TMEM178B: variants seen among roughly 807,000 people sequenced by gnomAD.
TMEM178B encodes the protein transmembrane protein 178B.
In TMEM178B, 5 loss-of-function variants were observed where a neutral mutation model predicts 31.0. The observed-to-expected ratio is 0.16, with a 90% CI of 0.08 to 0.34. TMEM178B has a LOEUF of 0.34. TMEM178B is among the 10% of genes least tolerant of loss of function. TMEM178B has a pLI of 1.00. For missense variants in TMEM178B, 275 were observed against 400.3 expected (o/e 0.69, Z 2.67); for synonymous variants, 164 against 164.0 (o/e 1.00, Z 0.00).
intron 2 of TMEM178B, among the ~76,000 whole-genome samples, chr7:141,221,860 G>A (rs555494801): frequency 1.6e-4 from 25 of 152,354 alleles, no homozygotes; most frequent in African/African-American, 6.0e-4. Flanking sequence ...CCCAGATGGG[G>A]TCGATTGCCT....
chr7:141,166,973 A>G (rs557936025), intron 1 of TMEM178B, among the ~76,000 whole-genome samples: 1 of 152,314 alleles, frequency 6.6e-6, no homozygotes, highest in South Asian at 2.1e-4. Flanking sequence ...GTCTCATGTT[A>G]ACTCTGCCAG....
chr7:141,484,556 T>C (rs903895521), downstream of TMEM178B, among the ~76,000 whole-genome samples: 2 of 148,818 alleles, frequency 1.3e-5, no homozygotes, highest in African/African-American at 5.2e-5. This position sits in a 1 kb window ranked among gnomAD's most constrained non-coding sequence, Gnocchi z 4.8. Context: ...GTTTTTGTTT[T>C]TGTTTGTTTG....
In TMEM178B at chr7:141,347,902, A is replaced by G. The variant is rs538810636; in HGVS notation, c.497-89706A>G. Among the ~76,000 whole-genome samples the G allele has an allele frequency of 6.6e-5, 10 of 152,334 alleles. 1 individual carries two copies. In the South Asian group the frequency reaches 2.1e-3, roughly 32 times the overall value. ...CAAACAACTGGGACAATCTTGCCTT[A>G]TCACAGTAGTTACCTAGGAGAGATG... On this transcript the variant is annotated intron_variant, in intron 2 of 3. Transcript: ENST00000565468.
intron 1 of TMEM178B, among the ~76,000 whole-genome samples, chr7:141,111,828 A>G (rs1795238690): frequency 6.6e-6 from 1 of 152,208 alleles, no homozygotes; most frequent in Non-Finnish European, 1.5e-5. Context: ...TGCCGTTGTG[A>G]ATTGTGTTTA....
chr7:141,502,077 T>C, the TMEM178B span, among the ~76,000 whole-genome samples: 1 of 152,114 alleles, frequency 6.6e-6, no homozygotes, highest in Non-Finnish European at 1.5e-5. Flanking sequence ...ACCCTTCCCA[T>C]CTTCCCCCAA....
intron 1 of TMEM178B, among the ~76,000 whole-genome samples, chr7:141,202,269 G>C (rs933850710): frequency 2.7e-5 from 4 of 147,630 alleles, no homozygotes; most frequent in African/African-American, 7.5e-5. Flanking sequence ...TTTTACCATA[G>C]ATAGAAATAC....
chr7:141,440,341 T>TA (rs1022579306), intron 3 of TMEM178B, among the ~76,000 whole-genome samples: 20 of 152,100 alleles, frequency 1.3e-4, no homozygotes, highest in African/African-American at 3.9e-4. Context: ...GGAGAGCTTT[T>TA]AAAAAAATAC....
intron 2 of TMEM178B, among the ~76,000 whole-genome samples, chr7:141,417,703 C>T (rs532411637): frequency 7.9e-5 from 12 of 152,338 alleles, no homozygotes; most frequent in African/African-American, 1.4e-4. Context: ...TCTCCACTAG[C>T]GCCTTCCACT....
chr7:141,091,556 A>C (rs986154097), intron 1 of TMEM178B, among the ~76,000 whole-genome samples: 1 of 152,140 alleles, frequency 6.6e-6, no homozygotes, highest in East Asian at 1.9e-4. Context: ...GTAGATCAAT[A>C]AGCTGCTAAA....
chr7:141,322,843 C>T (rs1453523533), intron 2 of TMEM178B, among the ~76,000 whole-genome samples: 2 of 152,146 alleles, frequency 1.3e-5, no homozygotes, highest in Non-Finnish European at 2.9e-5. Context: ...CCCCTCTCTC[C>T]TTCTTCTCCC....
intron 2 of TMEM178B, 124 bp from the exon 3 acceptor site, chr7:141,437,484 G>T: frequency 7.8e-7 from 1 of 1,279,518 alleles, no homozygotes; most frequent in South Asian, 1.5e-5. Flanking sequence ...TATCTGAGAA[G>T]GGCAGGTTGC....
chr7:141,167,677 T>G (rs146673571), intron 1 of TMEM178B, among the ~76,000 whole-genome samples: 256 of 152,328 alleles, frequency 1.7e-3, no homozygotes, highest in East Asian at 6.6e-3. Flanking sequence ...GCCTGTGCTG[T>G]CCTCAAATGC....
At chr7:141,435,116 A>G (rs1322058105) in intron 2 of TMEM178B, among the ~76,000 whole-genome samples, 1 of 151,834 alleles carries the variant, frequency 6.6e-6, no homozygotes. Flanking sequence ...AAAGGCAGCA[A>G]CATACACTGG....
chr7:141,401,046 G>A (rs2116619092), intron 2 of TMEM178B, among the ~76,000 whole-genome samples: 1 of 152,198 alleles, frequency 6.6e-6, no homozygotes, highest in East Asian at 1.9e-4. Context: ...GGTCATTAAA[G>A]GTCCAAGTCT....
At chr7:141,230,446 G>C (rs143354331) in intron 2 of TMEM178B, among the ~76,000 whole-genome samples, 1 of 152,146 alleles carries the variant, frequency 6.6e-6, no homozygotes, top group Non-Finnish European at 1.5e-5. Context: ...ATGGTTATCA[G>C]CCACTTGTAC....
chr7:141,292,731 G>A (rs566835052), intron 2 of TMEM178B, among the ~76,000 whole-genome samples: 11 of 141,112 alleles, frequency 7.8e-5, no homozygotes, highest in Admixed American at 4.8e-4. Context: ...TCCGCCTCCC[G>A]GGTTCAAGTG....
At chr7:141,177,770 T>C (rs530164843) in intron 1 of TMEM178B, among the ~76,000 whole-genome samples, 2 of 152,102 alleles carry the variant, frequency 1.3e-5, no homozygotes, top group South Asian at 4.2e-4. Context: ...CAACCCCTGC[T>C]TTTTTTTGCT....
intron 1 of TMEM178B, among the ~76,000 whole-genome samples, chr7:141,090,908 C>G (rs1344253557): frequency 6.6e-6 from 1 of 152,176 alleles, no homozygotes; most frequent in Admixed American, 6.5e-5. Context: ...ATCTCACAGT[C>G]AGGGTTTTAA....
intron 2 of TMEM178B, among the ~76,000 whole-genome samples, chr7:141,233,583 A>T (rs771487946): frequency 6.6e-6 from 1 of 152,144 alleles, no homozygotes; most frequent in Non-Finnish European, 1.5e-5. Context: ...TGTAACTTCC[A>T]TGTCCCACTG....
Sources: allele counts gnomAD v4.1 joint callset (sites outside exome capture counted in the v4.1 genomes callset), GRCh38; gene constraint gnomAD v4.1.1; non-coding constraint Gnocchi (gnomAD v3.1); transcripts MANE v1.5; gene names NCBI Gene and HGNC (gene_info 2026-07-23, HGNC 2026-07-21).